The following USP37 variants were observed in gnomAD, a reference collection of about 807,000 sequenced individuals.
The protein encoded by USP37 is ubiquitin specific peptidase 37.
USP37 carries 27 observed loss-of-function variants against 124.0 expected under a neutral mutation model. The observed-to-expected ratio is 0.22, with a 90% confidence interval of 0.16 to 0.30. The LOEUF is 0.30. Among genes scored for constraint, USP37 ranks in the 10% least tolerant of loss-of-function variants. USP37 has a pLI of 1.00. For synonymous variants in USP37, 365 were observed against 388.0 expected, an observed-to-expected ratio of 0.94 and a Z score of 0.70; for missense variants, 889 against 1,140.4, an observed-to-expected ratio of 0.78 and a Z score of 3.17.
chr2:218,534,573 A>G, intron 9 of USP37, 36 bp downstream of exon 9: 1 of 1,308,418 alleles, frequency 7.6e-7, no homozygotes, highest in Non-Finnish European at 1.0e-6. Flanking sequence ...TATATAATAA[A>G]TGAGCACCTT....
intron 13 of USP37, 92 bp downstream of exon 13, chr2:218,497,642 A>G (rs1018775337): frequency 1.3e-6 from 2 of 1,515,746 alleles, no homozygotes; most frequent in African/African-American, 2.8e-5. Context: ...ACCTCAGGTG[A>G]CCTGCCCACC....
intron 11 of USP37, among the ~76,000 whole-genome samples, chr2:218,505,245 C>T (rs1341003230): frequency 6.6e-6 from 1 of 152,124 alleles, no homozygotes; most frequent in African/African-American, 2.4e-5. Flanking sequence ...TCTCGAACTC[C>T]TGAGCTCAAG....
At chr2:218,496,036 G>T in intron 13 of USP37, 86 bp from the exon 14 acceptor site, 1 of 1,360,956 alleles carries the variant, frequency 7.3e-7, no homozygotes, top group Non-Finnish European at 1.0e-6. Context: ...CCTCATACCT[G>T]TAATTCCAGC....
chr2:218,559,992 CAAACAAAA>C (rs889068738), intron 3 of USP37, among the ~76,000 whole-genome samples: 7 of 150,148 alleles, frequency 4.7e-5, no homozygotes, highest in African/African-American at 1.5e-4. Context: ...TCAAAACAAA[CAAACAAAA>C]AAAAAACACA....
chr2:218,460,016 A>T, intron 22 of USP37, 111 bp from the exon 23 acceptor site: 1 of 572,158 alleles, frequency 1.7e-6, no homozygotes, highest in Non-Finnish European at 2.9e-6. Context: ...GGATCACCTG[A>T]GGTCAGGAGT....
At chr2:218,501,028 C>T (rs1468402778) in intron 11 of USP37, 2 of 155,512 alleles carry the variant, frequency 1.3e-5, no homozygotes, top group African/African-American at 2.5e-5. Flanking sequence ...GTCAGATCGC[C>T]CTCACATCCA....
chr2:218,493,021 T>A (rs903200826), intron 14 of USP37, among the ~76,000 whole-genome samples: 4 of 151,600 alleles, frequency 2.6e-5, no homozygotes, highest in South Asian at 2.1e-4. Context: ...AAAAAAAAAT[T>A]TTTTTCCCTC....
In USP37 at chr2:218,562,281, G is replaced by C. The variant is rs551137592; in HGVS notation, c.-89+392C>G. Among the ~76,000 whole-genome samples, 3 of 151,988 alleles carry C rather than the reference G, an allele frequency of 2.0e-5. No individual in the cohort carries two copies. In the East Asian group the frequency reaches 5.8e-4, roughly 29 times the overall value. On this transcript the variant is annotated intron_variant, in intron 2 of 25. Coordinates refer to ENST00000258399, the MANE Select transcript of USP37 (RefSeq NM_020935.3). ...TCCTATGAACCTAAGACAAAGACAG[G>C]GTTTCCTTAAACTCGGTAATGGTAA...
At chr2:218,529,867 G>C (rs186269384) in intron 10 of USP37, 89 bp downstream of exon 10, 5 of 947,956 alleles carry the variant, frequency 5.3e-6, no homozygotes, top group Admixed American at 2.5e-5. Context: ...ATTCACTTAA[G>C]AGGATAATAC....
chr2:218,542,627 G>A (rs144895477), intron 8 of USP37, among the ~76,000 whole-genome samples: 11 of 152,268 alleles, frequency 7.2e-5, no homozygotes, highest in African/African-American at 1.7e-4. Context: ...GTGACAGCAC[G>A]GTTCTAGAGA....
rs1689519808 is a variant in USP37 at position 218,452,739 on chromosome 2, G to A, written c.*2191C>T. 6.6e-6 allele frequency: 1 copy of A among 152,164 alleles called. No homozygotes were observed. Among genetic ancestry groups the A allele is most frequent in the African/African-American group, 2.4e-5 (1 of 41,426 alleles). The allele number at this position is 152,164 out of a possible 1,614,324, so 9.4% of individuals were successfully genotyped here. A position where few individuals can be genotyped will look rare whatever the true frequency, so the allele number is the denominator to read the frequency against. On this transcript the variant is annotated 3_prime_UTR_variant, in exon 26 of 26. Transcript: ENST00000258399. ...GCTTCATGAGGCAATCTAGACTTAT[G>A]GCATTATTTCTACTTTTCTCCATGT...
chr2:218,485,743 C>T lies in USP37; in HGVS notation c.1591G>A (p.Ala531Thr), dbSNP rs562434975. The T allele has an allele frequency of 6.2e-7, 1 of 1,607,902 alleles. No homozygotes were observed. The part of the protein sequence containing the change: ...IQDSLDLFFR[A>T]EELEYSCEKC... ...TCACAAGAATACTCCAGTTCTTCGGCCTATAAAAAGAAGGAAAAATAAAGC... is the reference window on the plus strand; with the variant it reads ...TCACAAGAATACTCCAGTTCTTCGGTCTATAAAAAGAAGGAAAAATAAAGC... Residue 531 changes from alanine to threonine, a missense_variant and splice_region_variant, in exon 16 of 26, where the codon GCC becomes ACC. Physicochemically the swap from Ala to Thr is moderately conservative, Grantham distance 58 (BLOSUM62 0). Around this residue, in one of 3 missense-constraint regions of USP37, gnomAD observed 504 missense variants for 714.3 expected, o/e 0.71. Coordinates refer to ENST00000258399, the MANE Select transcript of USP37 (RefSeq NM_020935.3).
intron 1 of USP37, among the ~76,000 whole-genome samples, chr2:218,567,493 C>A (rs1257467032): frequency 1.3e-5 from 2 of 152,132 alleles, no homozygotes; most frequent in South Asian, 2.1e-4. Flanking sequence ...GATCTCCAAA[C>A]CCACTATATC....
intron 11 of USP37, among the ~76,000 whole-genome samples, chr2:218,507,827 A>C (rs904474049): frequency 1.3e-5 from 2 of 152,024 alleles, no homozygotes; most frequent in African/African-American, 4.8e-5. Context: ...TGATTCTTTG[A>C]GGCTGTTATT....
intron 5 of USP37, 46 bp from the exon 6 acceptor site, chr2:218,549,955 A>T (rs761590552): frequency 7.2e-7 from 1 of 1,382,072 alleles, no homozygotes; most frequent in East Asian, 2.4e-5. Context: ...CAAATCACTC[A>T]CTTTAACAAA....
intron 21 of USP37, among the ~76,000 whole-genome samples, chr2:218,463,853 GATTTTTTTTTTT>G (rs1376607043): frequency 7.7e-6 from 1 of 129,210 alleles, no homozygotes; most frequent in Non-Finnish European, 1.6e-5. Context: ...TATTTTTTAA[GATTTTTTTTTTT>G]TTTTTTTTTG....
At chr2:218,549,526 A>T (rs1692547282) in intron 6 of USP37, among the ~76,000 whole-genome samples, 1 of 143,132 alleles carries the variant, frequency 7.0e-6, no homozygotes, top group Non-Finnish European at 1.5e-5. Context: ...GTGCAATGCC[A>T]TGAGCTCAGC....
intron 5 of USP37, among the ~76,000 whole-genome samples, chr2:218,551,567 T>A (rs956199765): frequency 2.6e-5 from 4 of 152,254 alleles, no homozygotes; most frequent in African/African-American, 9.6e-5. Flanking sequence ...TACATCTATT[T>A]ATGGCCAAAG....
chr2:218,462,295 T>C (rs146982715), intron 22 of USP37, among the ~76,000 whole-genome samples: 3 of 152,092 alleles, frequency 2.0e-5, no homozygotes, highest in African/African-American at 7.2e-5. Flanking sequence ...AGATCACGCC[T>C]CTGCACTCCA....
Sources: allele counts gnomAD v4.1 joint callset (sites outside exome capture counted in the v4.1 genomes callset), GRCh38; gene constraint gnomAD v4.1.1; regional missense constraint gnomAD v4.1.1; transcripts MANE v1.5; gene names NCBI Gene and HGNC (gene_info 2026-07-23, HGNC 2026-07-21).